Variants in SNX18 observed in about 807,000 individuals in gnomAD.
The protein encoded by SNX18 is sorting nexin-18.
A neutral mutation model predicts 48.7 loss-of-function variants in SNX18; 35 were observed. The observed-to-expected ratio is 0.72, with a 90% confidence interval of 0.55 to 0.95. The LOEUF is 0.95. Ranked by LOEUF, SNX18 falls within the 40% of genes least tolerant of loss-of-function variation. The pLI is 0.00. For synonymous variants in SNX18, 492 were observed against 384.7 expected (o/e 1.28, Z -3.26); for missense variants, 824 against 871.0 (o/e 0.95, Z 0.68).
the SNX18 span, among the ~76,000 whole-genome samples, chr5:54,587,016 T>C: frequency 1.3e-5 from 2 of 150,116 alleles, no homozygotes; most frequent in Non-Finnish European, 1.5e-5. Flanking sequence ...GAGCAGCCCC[T>C]CTTTTAGGGA....
At chr5:54,630,330 T>A in the SNX18 span, among the ~76,000 whole-genome samples, 1 of 152,140 alleles carries the variant, frequency 6.6e-6, no homozygotes, top group South Asian at 2.1e-4. Flanking sequence ...TACCTGTGTG[T>A]GTGTGTGCGT....
chr5:54,577,066 GCTGGGATTA>G, the SNX18 span, among the ~76,000 whole-genome samples: 1 of 152,188 alleles, frequency 6.6e-6, no homozygotes, highest in African/African-American at 2.4e-5. Context: ...ATCCCAAAGT[GCTGGGATTA>G]CAGGCGTGAG....
At position 54,544,014 on chromosome 5, in the gene SNX18, C is replaced by G. The variant is rs1417229123; in HGVS notation, c.*582C>G. The G allele has an allele frequency of 9.7e-6, 1 of 103,052 alleles. No homozygotes were observed. Among genetic ancestry groups the G allele is most frequent in the African/African-American group, 3.8e-5 (1 of 26,344 alleles). 6.4% of individuals were successfully genotyped at this position (103,052 alleles called of 1,614,324 possible). ...CATATAATGACAAACTGATGATAAC[C>G]TTATATTGGCAGTAGGGGGTGGGGG... On this transcript the variant is annotated 3_prime_UTR_variant, in exon 2 of 2. Transcript: ENST00000381410.
At chr5:54,621,866 A>G in the SNX18 span, among the ~76,000 whole-genome samples, 47 of 152,344 alleles carry the variant, frequency 3.1e-4, no homozygotes, top group African/African-American at 1.1e-3. Flanking sequence ...GGCTGTAGAC[A>G]GCCACTGTGC....
chr5:54,605,139 C>T, the SNX18 span, among the ~76,000 whole-genome samples: 1 of 152,154 alleles, frequency 6.6e-6, no homozygotes, highest in Non-Finnish European at 1.5e-5. Flanking sequence ...TGAGGGCTGA[C>T]TTCTACTGGA....
the SNX18 span, among the ~76,000 whole-genome samples, chr5:54,625,578 A>G: frequency 6.6e-6 from 1 of 152,164 alleles, no homozygotes; most frequent in Non-Finnish European, 1.5e-5. Flanking sequence ...CTCTTTTTGT[A>G]ACCTAATCTC....
chr5:54,560,350 A>G, the SNX18 span, among the ~76,000 whole-genome samples: 7 of 152,334 alleles, frequency 4.6e-5, no homozygotes, highest in African/African-American at 1.7e-4. Context: ...GGAGGCCATT[A>G]TCCTTAGCAA....
chr5:54,599,385 T>A, the SNX18 span, among the ~76,000 whole-genome samples: 27 of 152,190 alleles, frequency 1.8e-4, no homozygotes, highest in Admixed American at 6.5e-4. Flanking sequence ...AGAATCCATA[T>A]CATGAAAACG....
the SNX18 span, among the ~76,000 whole-genome samples, chr5:54,576,916 C>T: frequency 1.3e-5 from 2 of 152,170 alleles, no homozygotes; most frequent in Admixed American, 6.5e-5. Context: ...ATTCTCCTGC[C>T]TCAGCCTCCC....
chr5:54,642,441 A>G, the SNX18 span, among the ~76,000 whole-genome samples: 2 of 151,760 alleles, frequency 1.3e-5, no homozygotes, highest in East Asian at 1.9e-4. Flanking sequence ...TCATTCCACA[A>G]TTTTGTGGGA....
chr5:54,573,177 A>C, the SNX18 span, among the ~76,000 whole-genome samples: 3 of 152,180 alleles, frequency 2.0e-5, no homozygotes, highest in Non-Finnish European at 4.4e-5. Flanking sequence ...TTAATCCTTT[A>C]TCACAAACCC....
chr5:54,624,550 A>G, the SNX18 span, among the ~76,000 whole-genome samples: 1 of 152,356 alleles, frequency 6.6e-6, no homozygotes, highest in East Asian at 1.9e-4. Context: ...ACTTACAAGT[A>G]TCGTATTTTA....
the SNX18 span, among the ~76,000 whole-genome samples, chr5:54,622,317 G>A: frequency 2.0e-5 from 3 of 152,110 alleles, no homozygotes; most frequent in Admixed American, 6.6e-5. Context: ...TGGGCAACAA[G>A]GTGAAATCCC....
the SNX18 span, among the ~76,000 whole-genome samples, chr5:54,565,052 C>T: frequency 2.6e-5 from 4 of 152,176 alleles, no homozygotes; most frequent in Non-Finnish European, 5.9e-5. Context: ...CATGGCATTA[C>T]TCTGACACTG....
chr5:54,628,640 A>G, the SNX18 span, among the ~76,000 whole-genome samples: 1 of 152,110 alleles, frequency 6.6e-6, no homozygotes, highest in South Asian at 2.1e-4. Context: ...GGAAGGTGAA[A>G]ACACAAATCT....
At chr5:54,548,740 A>G (rs1368769108), downstream of SNX18, among the ~76,000 whole-genome samples, 1 of 152,214 alleles carries the variant, frequency 6.6e-6, no homozygotes, top group Non-Finnish European at 1.5e-5. Context: ...CTATTCCTGA[A>G]CATCATGTGA....
At chr5:54,564,378 T>C in the SNX18 span, among the ~76,000 whole-genome samples, 1 of 152,242 alleles carries the variant, frequency 6.6e-6, no homozygotes, top group East Asian at 1.9e-4. Flanking sequence ...TTCCTTATAA[T>C]TGAACACTTA....
chr5:54,531,563 G>T (rs1299829994), intron 1 of SNX18, among the ~76,000 whole-genome samples: 2 of 152,290 alleles, frequency 1.3e-5, no homozygotes, highest in South Asian at 2.1e-4. Context: ...CACGTTTTAT[G>T]ATTTGTATTT....
chr5:54,519,695 A>T lies in SNX18; in HGVS notation c.1621+122A>T, dbSNP rs114605253. ...ATTCTACAGGTGAGGAAGCGAGCAG[A>T]GACGTGGACGCCTGGGTCTTTTCCC... On this transcript the variant is annotated intron_variant, in intron 1 of 1. Coordinates refer to ENST00000381410, the MANE Select transcript of SNX18 (RefSeq NM_001102575.2). The T allele has an allele frequency of 8.3e-4, 1,337 of 1,614,218 alleles. 11 individuals carry two copies. In the African/African-American group the frequency reaches 0.016, roughly 20 times the overall value.
Sources: gnomAD v4.1 joint callset for allele counts (sites outside exome capture counted in the v4.1 genomes callset) on GRCh38, gnomAD v4.1.1 for gene constraint, MANE v1.5 for transcripts, NCBI Gene and HGNC (gene_info 2026-07-23, HGNC 2026-07-21) for gene names.